Variants in RNF220 observed in about 807,000 individuals in gnomAD.
RNF220 encodes the protein E3 ubiquitin-protein ligase RNF220.
In RNF220, 7 loss-of-function variants were observed where a neutral mutation model predicts 67.1. The ratio of observed to expected loss-of-function variants is 0.10; its 90% CI spans 0.06 to 0.20. RNF220 has a LOEUF of 0.20. Among genes scored for constraint, RNF220 ranks in the 10% least tolerant of loss-of-function variants. The probability of loss-of-function intolerance (pLI) is 1.00; values close to 1 mark genes in which losing one functional copy is unlikely to be tolerated. For missense variants in RNF220, 565 were observed against 740.3 expected (o/e 0.76, Z 2.75); for synonymous variants, 270 against 283.2 (o/e 0.95, Z 0.47).
chr1:44,566,635 A>T, intron 2 of RNF220, among the ~76,000 whole-genome samples: 1 of 127,654 alleles, frequency 7.8e-6, no homozygotes. Flanking sequence ...ATGGATCTGA[A>T]ACAGAAGCTG....
chr1:44,524,734 C>A (rs997761034), intron 2 of RNF220, among the ~76,000 whole-genome samples: 1 of 152,092 alleles, frequency 6.6e-6, no homozygotes, highest in Non-Finnish European at 1.5e-5. Flanking sequence ...GCTGAATGTT[C>A]GATATTTCAT....
At chr1:44,626,209 TC>T in intron 4 of RNF220, 87 bp from the exon 5 acceptor site, 1 of 954,626 alleles carries the variant, frequency 1.0e-6, no homozygotes. Flanking sequence ...TTTGCCTGGC[TC>T]CCCAAAGCAC....
intron 8 of RNF220, among the ~76,000 whole-genome samples, chr1:44,640,744 G>T (rs971154417): frequency 1.3e-5 from 2 of 152,164 alleles, no homozygotes; most frequent in Admixed American, 6.5e-5. Context: ...CAGCTCCCCA[G>T]ACTGTCAGCT....
At chr1:44,552,445 A>G (rs1357779296) in intron 2 of RNF220, among the ~76,000 whole-genome samples, 2 of 151,622 alleles carry the variant, frequency 1.3e-5, no homozygotes, top group African/African-American at 4.8e-5. Flanking sequence ...GCAGTGAGCC[A>G]TGATTGTGCC....
intron 2 of RNF220, among the ~76,000 whole-genome samples, chr1:44,521,237 T>G (rs1279973509): frequency 6.6e-6 from 1 of 152,146 alleles, no homozygotes; most frequent in East Asian, 1.9e-4. Context: ...GATCTAAAAC[T>G]TTAGCTGCCC....
chr1:44,435,940 GA>G (rs201623454), intron 2 of RNF220, among the ~76,000 whole-genome samples: 180 of 148,166 alleles, frequency 1.2e-3, no homozygotes, highest in African/African-American at 3.7e-3. Context: ...GAAAAAAGAG[GA>G]AAAAAAAAAT....
rs1648130009 is a variant in RNF220 at position 44,412,978 on chromosome 1, T to TTAA, written c.625+256_625+257insTAA. ...TCTCTCCGGACCCTAGTGGGCTTATTCTCTGAGGACTTGAGTGAAGAGGGG... is the reference window on the plus strand; with the variant it reads ...TCTCTCCGGACCCTAGTGGGCTTATTTAACTCTGAGGACTTGAGTGAAGAGGGG... On this transcript the variant is annotated intron_variant, in intron 2 of 14. Transcript: ENST00000361799. This position sits in a 1 kb window ranked among gnomAD's most constrained non-coding sequence, Gnocchi z 5.3. Among the ~76,000 whole-genome samples, 1 of 152,180 alleles carries TTAA rather than the reference T, an allele frequency of 6.6e-6. No homozygotes were observed. The highest frequency in any genetic ancestry group is 2.4e-5 in the African/African-American group (1 of 41,430).
intron 2 of RNF220, among the ~76,000 whole-genome samples, chr1:44,553,262 TG>T (rs1662812249): frequency 6.6e-6 from 1 of 152,114 alleles, no homozygotes; most frequent in South Asian, 2.1e-4. Context: ...AACAAAATTG[TG>T]TTCTTAGTGA....
At chr1:44,405,208 T>A (rs756746478), upstream of RNF220, 30 of 337,872 alleles carry the variant, frequency 8.9e-5, no homozygotes, top group Non-Finnish European at 1.4e-4. Context: ...TGCGTGTGTG[T>A]GTGCGCGCGT....
intron 2 of RNF220, among the ~76,000 whole-genome samples, chr1:44,569,467 G>A (rs1326749839): frequency 6.6e-6 from 1 of 152,172 alleles, no homozygotes; most frequent in Non-Finnish European, 1.5e-5. Context: ...TGAAATTATG[G>A]GCTGACGATG....
intron 2 of RNF220, among the ~76,000 whole-genome samples, chr1:44,456,175 A>G (rs1653156100): frequency 6.6e-6 from 1 of 152,226 alleles, no homozygotes. Context: ...GGAGGTGTTT[A>G]ATTTAAGAGA....
intron 5 of RNF220, 81 bp from the exon 6 acceptor site, chr1:44,632,262 T>C (rs746331512): frequency 1.9e-6 from 3 of 1,613,508 alleles, no homozygotes; most frequent in African/African-American, 1.3e-5. Flanking sequence ...GGGGGTCCGG[T>C]GCTGGGGCGG....
chr1:44,409,805 A>G (rs1449099531), intron 1 of RNF220, among the ~76,000 whole-genome samples: 1 of 152,166 alleles, frequency 6.6e-6, no homozygotes, highest in African/African-American at 2.4e-5. Context: ...TGTATTAACT[A>G]TAGATTTTCA....
In RNF220 at chr1:44,649,389, G is replaced by A; in HGVS notation, c.1446-272G>A. On this transcript the variant is annotated intron_variant, in intron 12 of 14. Coordinates refer to ENST00000361799, the MANE Select transcript of RNF220 (RefSeq NM_018150.4). This position sits in a 1 kb window ranked among gnomAD's most constrained non-coding sequence, Gnocchi z 5.9. ...AGATACTAGGAGAGATGACAGATTT[G>A]GGTGGTTGGGAAGACTGCGAAGGAG... The A allele has an allele frequency of 2.0e-6, 1 of 506,944 alleles. No individual in the cohort carries two copies. Among genetic ancestry groups the A allele is most frequent in the South Asian group, 2.1e-5 (1 of 46,988 alleles). The allele number at this position is 506,944 out of a possible 1,614,324, so 31.4% of individuals were successfully genotyped here.
At chr1:44,580,843 C>T (rs1665222231) in intron 2 of RNF220, among the ~76,000 whole-genome samples, 1 of 152,236 alleles carries the variant, frequency 6.6e-6, no homozygotes, top group African/African-American at 2.4e-5. Flanking sequence ...AAGCATCCTC[C>T]AGCTTCTCCA....
intron 2 of RNF220, among the ~76,000 whole-genome samples, chr1:44,487,568 C>T (rs11211007): frequency 0.81 from 121,777 of 150,006 alleles, 52,020 homozygotes; most frequent in East Asian, 1. Flanking sequence ...CATGGTGGCT[C>T]CCACCTGTAA....
In RNF220 at chr1:44,644,976, T is replaced by C. The variant is rs1644595231; in HGVS notation, c.1224-19T>C. On this transcript the variant is annotated intron_variant, in intron 9 of 14. Transcript: ENST00000361799. ...GCCTGCTGCAAACTAGGATCCATTGTCCTTGACCACCATGCCAGATACACA... is the reference window on the plus strand; with the variant it reads ...GCCTGCTGCAAACTAGGATCCATTGCCCTTGACCACCATGCCAGATACACA... The C allele has an allele frequency of 6.2e-7, 1 of 1,613,354 alleles. No homozygotes were observed. The highest frequency in any genetic ancestry group is 1.7e-5 in the Admixed American group (1 of 59,986).
At chr1:44,586,605 G>T (rs865906935) in intron 2 of RNF220, among the ~76,000 whole-genome samples, 48 of 152,204 alleles carry the variant, frequency 3.2e-4, no homozygotes, top group African/African-American at 1.0e-3. Flanking sequence ...CTTGTTCCAG[G>T]AGGCAGACTA....
chr1:44,474,729 C>T (rs1295525596), intron 2 of RNF220, among the ~76,000 whole-genome samples: 2 of 151,882 alleles, frequency 1.3e-5, no homozygotes, highest in African/African-American at 2.4e-5. Flanking sequence ...AAAACAAAAA[C>T]AACAATACAA....
Sources: gnomAD v4.1 joint callset for allele counts (sites outside exome capture counted in the v4.1 genomes callset) on GRCh38, gnomAD v4.1.1 for gene constraint, Gnocchi (gnomAD v3.1) non-coding constraint, MANE v1.5 for transcripts, NCBI Gene and HGNC (gene_info 2026-07-23, HGNC 2026-07-21) for gene names.